The following AP5M1 variants were observed in gnomAD, a reference collection of about 807,000 sequenced individuals.
AP5M1 encodes AP-5 complex subunit mu-1.
AP5M1 carries 44 observed loss-of-function variants against 52.3 expected under a neutral mutation model. The observed-to-expected ratio is 0.84, with a 90% CI of 0.66 to 1.08. The LOEUF is 1.08. AP5M1 is among the 50% of genes least tolerant of loss of function. AP5M1 has a pLI of 0.00. For synonymous variants in AP5M1, 213 were observed against 199.0 expected (o/e 1.07, Z -0.59); for missense variants, 526 against 568.4 (o/e 0.93, Z 0.76).
Position 57,293,207 on chromosome 14 carries a change from G to C in AP5M1, c.*4323G>C, listed in dbSNP as rs1377853379. On this transcript the variant is annotated 3_prime_UTR_variant, in exon 8 of 8. Transcript: ENST00000261558. ...TTTATCTTGTAAGATGTCAAATCGGGATTTATTCCTCCAGTATATTTTAAG... is the reference window on the plus strand; with the variant it reads ...TTTATCTTGTAAGATGTCAAATCGGCATTTATTCCTCCAGTATATTTTAAG... The C allele has an allele frequency of 2.0e-5, 3 of 151,338 alleles. No individual in the cohort carries two copies. The highest frequency in any genetic ancestry group is 3.0e-5 in the Non-Finnish European group (2 of 67,674). The allele number at this position is 151,338 out of a possible 1,614,324, so 9.4% of individuals were successfully genotyped here.
chr14:57,273,890 A>G (rs1884952795), intron 1 of AP5M1: 2 of 602,084 alleles, frequency 3.3e-6, no homozygotes. Context: ...ATTCTTATAG[A>G]TGCCTAAAAC....
intron 2 of AP5M1, 31 bp downstream of exon 2, chr14:57,274,920 G>T: frequency 2.5e-6 from 4 of 1,612,346 alleles, no homozygotes; most frequent in Non-Finnish European, 3.4e-6. Flanking sequence ...TTGCTTTATC[G>T]TTTTATTTAA....
chr14:57,297,770 T>C lies in AP5M1; in HGVS notation c.*8886T>C, dbSNP rs1885581962. ...AACACAAAAGCAGCTTAGTGTTGAT[T>C]TAATGAAGTAGCAAAATGTTAAATA... On this transcript the variant is annotated 3_prime_UTR_variant, in exon 8 of 8. Coordinates refer to ENST00000261558, the MANE Select transcript of AP5M1 (RefSeq NM_018229.4). The C allele has an allele frequency of 6.6e-6, 1 of 152,144 alleles. No individual in the cohort carries two copies. Among genetic ancestry groups the C allele is most frequent in the South Asian group, 2.1e-4 (1 of 4,830 alleles). 9.4% of individuals were successfully genotyped at this position (152,144 alleles called of 1,614,324 possible). A position where few individuals can be genotyped will look rare whatever the true frequency, so the allele number is the denominator to read the frequency against.
At chr14:57,271,365 AG>A (rs1399627759) in intron 1 of AP5M1, 1 of 152,248 alleles carries the variant, frequency 6.6e-6, no homozygotes, top group Non-Finnish European at 1.5e-5. Context: ...AGCAGCAAGA[AG>A]GGGTTCCCGT....
At chr14:57,275,561 T>C (rs1396996329) in intron 2 of AP5M1, 1 of 152,536 alleles carries the variant, frequency 6.6e-6, no homozygotes. Context: ...TTCTGTTCAT[T>C]AGAAGCAAGT....
At chr14:57,286,904 A>G (rs944650661) in intron 7 of AP5M1, among the ~76,000 whole-genome samples, 1 of 152,026 alleles carries the variant, frequency 6.6e-6, no homozygotes, top group Non-Finnish European at 1.5e-5. Context: ...TCTCTATTCT[A>G]TCAATAGGAA....
Position 57,293,760 on chromosome 14 carries a change from G to A in AP5M1, c.*4876G>A, listed in dbSNP as rs746458074. The A allele has an allele frequency of 2.6e-5, 4 of 151,428 alleles. No individual in the cohort carries two copies. The highest frequency in any genetic ancestry group is 2.1e-4 in the South Asian group (1 of 4,802). 9.4% of individuals were successfully genotyped at this position (151,428 alleles called of 1,614,324 possible). A position where few individuals can be genotyped will look rare whatever the true frequency, so the allele number is the denominator to read the frequency against. On this transcript the variant is annotated 3_prime_UTR_variant, in exon 8 of 8. Coordinates refer to ENST00000261558, the MANE Select transcript of AP5M1 (RefSeq NM_018229.4). The stretch of plus-strand genomic sequence containing the variant: ...TATATATACAAGTATATGAATTTAC[G>A]TAAATGTGTACAACACTAGTGTGTC...
In AP5M1 at chr14:57,269,451, T is replaced by C. The variant is rs1884821869; in HGVS notation, c.74+63T>C. 6 of 1,567,800 alleles carry C rather than the reference T, an allele frequency of 3.8e-6. No individual in the cohort carries two copies. In the East Asian group the frequency reaches 1.3e-4, roughly 35 times the overall value. On this transcript the variant is annotated intron_variant, in intron 1 of 7. Transcript: ENST00000261558. ...GAAGATCGATGAAGTAGCATAGTTT[T>C]GTGGTGCTTCGTGGCCCAGGTTTGC...
intron 2 of AP5M1, among the ~76,000 whole-genome samples, chr14:57,276,707 G>A (rs545492253): frequency 2.0e-5 from 3 of 148,976 alleles, no homozygotes; most frequent in Non-Finnish European, 3.0e-5. Context: ...TCTGTTCATC[G>A]ATAGGCTGAC....
chr14:57,286,417 G>A, intron 7 of AP5M1, 98 bp downstream of exon 7: 1 of 793,510 alleles, frequency 1.3e-6, no homozygotes, highest in Non-Finnish European at 2.1e-6. Context: ...TTAGAGATTA[G>A]AGAATAATCC....
chr14:57,291,545 T>C lies in AP5M1; in HGVS notation c.*2661T>C, dbSNP rs1313570288. ...ACGGTGGTGGCAATTTTTTTTTAAC[T>C]TTTTAAGTAATTGATTCAAATGTCA... On this transcript the variant is annotated 3_prime_UTR_variant, in exon 8 of 8. Coordinates refer to ENST00000261558, the MANE Select transcript of AP5M1 (RefSeq NM_018229.4). 6.6e-6 allele frequency: 1 copy of C among 151,856 alleles called. No individual in the cohort carries two copies. The highest frequency in any genetic ancestry group is 2.4e-5 in the African/African-American group (1 of 41,384). 9.4% of individuals were successfully genotyped at this position (151,856 alleles called of 1,614,324 possible). A position where few individuals can be genotyped will look rare whatever the true frequency, so the allele number is the denominator to read the frequency against.
chr14:57,288,433 C>G (rs558003014), intron 7 of AP5M1, among the ~76,000 whole-genome samples: 1 of 151,956 alleles, frequency 6.6e-6, no homozygotes, highest in East Asian at 1.9e-4. Flanking sequence ...TAGCAAGACC[C>G]AGAATCAGGG....
At chr14:57,270,307 T>A (rs1025896391) in intron 1 of AP5M1, among the ~76,000 whole-genome samples, 7 of 152,222 alleles carry the variant, frequency 4.6e-5, no homozygotes. Flanking sequence ...AGTAACTCAT[T>A]GTAAAATGTT....
rs1885545433 is a variant in AP5M1, at chr14:57,296,022, T to C, written c.*7138T>C. 6.6e-6 allele frequency: 1 copy of C among 152,034 alleles called. No individual in the cohort carries two copies. Among genetic ancestry groups the C allele is most frequent in the African/African-American group, 2.4e-5 (1 of 41,440 alleles). 9.4% of individuals were successfully genotyped at this position (152,034 alleles called of 1,614,324 possible). ...GCCATTGAACAATAGATGTACCAAT[T>C]TGACCTTTAAAAGTTCAATCTTTAT... On this transcript the variant is annotated 3_prime_UTR_variant, in exon 8 of 8. Transcript: ENST00000261558.
Position 57,274,316 on chromosome 14 carries a change from T to G in AP5M1, c.147T>G (p.Gly49=). The change falls in exon 2 of 8, where the codon GGT becomes GGG. Residue 49 remains glycine, a synonymous_variant. Coordinates refer to ENST00000261558, the MANE Select transcript of AP5M1 (RefSeq NM_018229.4). ...GTTATGTGCCTGTTCCTGAAGATGG[T>G]CCCTTTCTTAAAGCACTGCTCTTTG... ...GASYVPVPED[G]PFLKALLFEL... 6.2e-7 allele frequency: 1 copy of G among 1,614,154 alleles called. No individual in the cohort carries two copies. Among genetic ancestry groups the G allele is most frequent in the Non-Finnish European group, 8.5e-7 (1 of 1,180,016 alleles).
At chr14:57,277,120 A>G (rs377709970) in intron 2 of AP5M1, among the ~76,000 whole-genome samples, 6 of 148,116 alleles carry the variant, frequency 4.1e-5, no homozygotes, top group East Asian at 1.9e-4. Context: ...AAAATGAGAT[A>G]AACTCTTAGG....
intron 1 of AP5M1, chr14:57,273,824 T>C (rs1368001396): frequency 4.4e-6 from 3 of 679,160 alleles, no homozygotes; most frequent in African/African-American, 3.6e-5. Context: ...GAGGGTTAAA[T>C]TGAACCACTT....
At position 57,274,286 on chromosome 14, in the gene AP5M1, A is replaced by C. The variant is rs761043919; in HGVS notation, c.117A>C (p.Gly39=). The change falls in exon 2 of 8, where the codon GGA becomes GGC. Residue 39 remains glycine (G), a synonymous_variant. Coordinates refer to ENST00000261558, the MANE Select transcript of AP5M1 (RefSeq NM_018229.4). The part of the protein sequence containing the change: ...TVEKRARVFN[G]ASYVPVPEDG... The stretch of plus-strand genomic sequence containing the variant: ...AAAAACGAGCCAGAGTCTTCAATGG[A>C]GCAAGTTATGTGCCTGTTCCTGAAG... 58 of 1,613,968 alleles carry C rather than the reference A, an allele frequency of 3.6e-5. No homozygotes were observed. The highest frequency in any genetic ancestry group is 4.7e-5 in the Non-Finnish European group (56 of 1,179,982).
Position 57,293,284 on chromosome 14 carries a change from T to G in AP5M1, c.*4400T>G, listed in dbSNP as rs1365995055. On this transcript the variant is annotated 3_prime_UTR_variant, in exon 8 of 8. Coordinates refer to ENST00000261558, the MANE Select transcript of AP5M1 (RefSeq NM_018229.4). The stretch of plus-strand genomic sequence containing the variant: ...TGTTACAAAATATGTTTTTAAAGAT[T>G]AGATTTTGATTAATGATTTAGTTAT... 3 of 151,772 alleles carry G rather than the reference T, an allele frequency of 2.0e-5. No individual in the cohort carries two copies. The highest frequency in any genetic ancestry group is 4.4e-5 in the Non-Finnish European group (3 of 67,796). The allele number at this position is 151,772 out of a possible 1,614,324, so 9.4% of individuals were successfully genotyped here. A position where few individuals can be genotyped will look rare whatever the true frequency, so the allele number is the denominator to read the frequency against.
Sources: allele counts gnomAD v4.1 joint callset (sites outside exome capture counted in the v4.1 genomes callset), GRCh38; gene constraint gnomAD v4.1.1; transcripts MANE v1.5; gene names NCBI Gene and HGNC (gene_info 2026-07-23, HGNC 2026-07-21).